ADGRF5: variants seen among roughly 807,000 people sequenced by gnomAD.
ADGRF5 encodes the protein adhesion G protein-coupled receptor F5.
A neutral mutation model predicts 132.3 loss-of-function variants in ADGRF5; 75 were observed. The ratio of observed to expected loss-of-function variants is 0.57; its 90% CI spans 0.47 to 0.69. The LOEUF (loss-of-function observed/expected upper bound fraction) is 0.69, where lower values mean the gene tolerates loss of function less well. ADGRF5 is among the 30% of genes least tolerant of loss of function. The probability of loss-of-function intolerance (pLI) is 0.00; values close to 1 mark genes in which losing one functional copy is unlikely to be tolerated. For synonymous variants in ADGRF5, 629 were observed against 597.6 expected (o/e 1.05, Z -0.77); for missense variants, 1,516 against 1,630.6 (o/e 0.93, Z 1.21).
intron 3 of ADGRF5, among the ~76,000 whole-genome samples, chr6:46,889,292 T>C (rs1054928348): frequency 6.9e-6 from 1 of 145,084 alleles, no homozygotes; most frequent in Non-Finnish European, 1.5e-5. Flanking sequence ...ATAGTATATA[T>C]AGTACAGTAT....
intron 1 of ADGRF5, among the ~76,000 whole-genome samples, chr6:46,913,374 C>T (rs748912297): frequency 1.2e-4 from 18 of 152,240 alleles, no homozygotes; most frequent in Middle Eastern, 6.8e-3. Flanking sequence ...TGGTGGACAC[C>T]TGTAATCTCA....
In ADGRF5 at chr6:46,853,870, T is replaced by C. The variant is rs553793525; in HGVS notation, c.*122A>G. On this transcript the variant is annotated 3_prime_UTR_variant, in exon 21 of 21. Transcript: ENST00000283296. ...AAAGCCTCTTCTCTATGAAAAAGTC[T>C]TTTTGGCATCTGCTCCCGGAAACCT... The C allele has an allele frequency of 4.5e-6, 3 of 663,054 alleles. No homozygotes were observed. The African/African-American group carries it at 5.7e-5, about 13-fold the overall frequency. 41.1% of individuals were successfully genotyped at this position (663,054 alleles called of 1,614,324 possible). A position where few individuals can be genotyped will look rare whatever the true frequency, so the allele number is the denominator to read the frequency against.
At chr6:46,930,180 TAC>T (rs1163021935) in intron 1 of ADGRF5, among the ~76,000 whole-genome samples, 13 of 152,222 alleles carry the variant, frequency 8.5e-5, no homozygotes, top group African/African-American at 2.9e-4. Context: ...CATATTAGAA[TAC>T]AGTTTTTAAT....
At chr6:46,922,529 G>T (rs1234813923), upstream of ADGRF5, among the ~76,000 whole-genome samples, 1 of 152,174 alleles carries the variant, frequency 6.6e-6, no homozygotes, top group East Asian at 1.9e-4. Context: ...TATGGTAAAG[G>T]CCTGGTTGGC....
At chr6:46,868,815 A>C (rs145340489) in intron 12 of ADGRF5, 68 bp downstream of exon 12, 1 of 973,942 alleles carries the variant, frequency 1.0e-6, no homozygotes, top group East Asian at 2.4e-5. Flanking sequence ...CCCTACACAG[A>C]TGGTAACTAT....
At chr6:46,874,725 G>A (rs893442978) in intron 10 of ADGRF5, among the ~76,000 whole-genome samples, 2 of 152,204 alleles carry the variant, frequency 1.3e-5, no homozygotes, top group Admixed American at 6.5e-5. Flanking sequence ...GTTGAGGGGG[G>A]TGGAAGGATA....
intron 17 of ADGRF5, 128 bp from the exon 18 acceptor site, chr6:46,857,036 T>C: frequency 1.4e-6 from 1 of 726,484 alleles, no homozygotes; most frequent in Non-Finnish European, 2.4e-6. Flanking sequence ...ATGGAATGAG[T>C]CCAGTACATG....
At chr6:46,862,056 C>G (rs1423513963) in intron 15 of ADGRF5, among the ~76,000 whole-genome samples, 1 of 151,812 alleles carries the variant, frequency 6.6e-6, no homozygotes, top group Non-Finnish European at 1.5e-5. Flanking sequence ...TTGACAGCAC[C>G]TATAATCATG....
upstream of ADGRF5, among the ~76,000 whole-genome samples, chr6:46,922,521 T>C (rs1343857928): frequency 6.6e-6 from 1 of 152,154 alleles, no homozygotes; most frequent in Non-Finnish European, 1.5e-5. Flanking sequence ...AGGAGATATA[T>C]GGTAAAGGCC....
intron 3 of ADGRF5, among the ~76,000 whole-genome samples, chr6:46,889,542 CTA>C (rs1341319406): frequency 1.7e-5 from 2 of 116,908 alleles, no homozygotes; most frequent in African/African-American, 3.3e-5. Flanking sequence ...TATATAGACA[CTA>C]TATATATATG....
chr6:46,885,927 GT>G (rs1389936764), intron 4 of ADGRF5, among the ~76,000 whole-genome samples: 13 of 152,144 alleles, frequency 8.5e-5, no homozygotes, highest in Admixed American at 8.5e-4. Context: ...GATAATAACT[GT>G]TTGTTATTTT....
chr6:46,898,689 G>A (rs996596832), intron 3 of ADGRF5, among the ~76,000 whole-genome samples: 13 of 152,176 alleles, frequency 8.5e-5, no homozygotes, highest in African/African-American at 1.7e-4. Flanking sequence ...CCACTGCACC[G>A]TGAAAGGCTT....
chr6:46,875,262 A>G (rs1216721935), intron 10 of ADGRF5, among the ~76,000 whole-genome samples: 1 of 152,184 alleles, frequency 6.6e-6, no homozygotes, highest in African/African-American at 2.4e-5. Flanking sequence ...TGTTTCCTAC[A>G]ACACCCCTGG....
chr6:46,867,298 T>C (rs768134873), intron 12 of ADGRF5, among the ~76,000 whole-genome samples, 161 bp from the exon 13 acceptor site: 7 of 152,206 alleles, frequency 4.6e-5, no homozygotes, highest in Non-Finnish European at 8.8e-5. Flanking sequence ...GATTGATTCC[T>C]CTTCTGGGTT....
chr6:46,917,392 G>A (rs565247676), intron 1 of ADGRF5, among the ~76,000 whole-genome samples: 2 of 152,256 alleles, frequency 1.3e-5, no homozygotes, highest in African/African-American at 4.8e-5. Flanking sequence ...GGCATAGCAC[G>A]GTAATTAGGC....
chr6:46,890,537 G>GT (rs70996391), intron 3 of ADGRF5, among the ~76,000 whole-genome samples: 151,917 of 151,922 alleles, frequency 1, 75,956 homozygotes, highest in Middle Eastern at 1. Context: ...GGCCAACATG[G>GT]GAAACCCCGT....
At chr6:46,877,905 T>C (rs925621498) in intron 10 of ADGRF5, among the ~76,000 whole-genome samples, 1 of 152,190 alleles carries the variant, frequency 6.6e-6, no homozygotes, top group Admixed American at 6.5e-5. Flanking sequence ...GCTTTTCTTG[T>C]CTTTTTTTAG....
chr6:46,904,400 A>G (rs1174832128), intron 2 of ADGRF5, among the ~76,000 whole-genome samples: 2 of 152,230 alleles, frequency 1.3e-5, no homozygotes, highest in Non-Finnish European at 2.9e-5. Context: ...AGGCTACAAC[A>G]TAGATAAACC....
chr6:46,874,559 G>T (rs1771432432), intron 10 of ADGRF5, among the ~76,000 whole-genome samples: 1 of 152,196 alleles, frequency 6.6e-6, no homozygotes, highest in Non-Finnish European at 1.5e-5. Context: ...AGAAGGGGAA[G>T]ATTTGCTCTA....
Sources: allele counts gnomAD v4.1 joint callset (sites outside exome capture counted in the v4.1 genomes callset), GRCh38; gene constraint gnomAD v4.1.1; transcripts MANE v1.5; gene names NCBI Gene and HGNC (gene_info 2026-07-23, HGNC 2026-07-21).